PPP2R2C: variants seen among roughly 807,000 people sequenced by gnomAD.
PPP2R2C encodes the protein protein phosphatase 2 regulatory subunit Bgamma.
PPP2R2C carries 10 observed loss-of-function variants against 45.3 expected under a neutral mutation model. The ratio of observed to expected loss-of-function variants is 0.22; its 90% CI spans 0.14 to 0.37. The LOEUF (loss-of-function observed/expected upper bound fraction) is 0.37. PPP2R2C is among the 10% of genes least tolerant of loss of function. The pLI, the probability that PPP2R2C is intolerant of heterozygous loss-of-function variation, is 1.00. For missense variants in PPP2R2C, 308 were observed against 619.7 expected (o/e 0.50, Z 5.34); for synonymous variants, 257 against 245.4 (o/e 1.05, Z -0.44).
At chr4:6,413,824 C>T (rs930165275) in intron 1 of PPP2R2C, 50 of 1,511,114 alleles carry the variant, frequency 3.3e-5, no homozygotes, top group South Asian at 2.0e-4. Context: ...AGGACTGTGC[C>T]GGGGCTCCCA....
At position 6,516,242 on chromosome 4, in the gene PPP2R2C, G is replaced by A. The variant is rs1000167815; in HGVS notation, c.49+19029C>T. Among the ~76,000 whole-genome samples, 5 of 152,200 alleles carry A rather than the reference G, an allele frequency of 3.3e-5. No homozygotes were observed. In the East Asian group the frequency reaches 7.7e-4, roughly 23 times the overall value. ...CACAGTGTGGTCCTGACTGCCCATC[G>A]TCCTCCACACATCCCCAGAACCCTG... On this transcript the variant is annotated intron_variant, in intron 2 of 9. Coordinates refer to the PPP2R2C transcript ENST00000506140.
intron 1 of PPP2R2C, among the ~76,000 whole-genome samples, chr4:6,441,441 C>G (rs1720149108): frequency 6.6e-6 from 1 of 152,164 alleles, no homozygotes; most frequent in African/African-American, 2.4e-5. Context: ...TCACCTGCAG[C>G]CTCCCTGGTT....
At chr4:6,385,426 C>T (rs569435449) in intron 1 of PPP2R2C, among the ~76,000 whole-genome samples, 3 of 152,264 alleles carry the variant, frequency 2.0e-5, no homozygotes, top group African/African-American at 7.2e-5. Flanking sequence ...TGGCAGCCAC[C>T]TCTGTGAAGA....
chr4:6,505,992 T>TA (rs1351359612), intron 2 of PPP2R2C, among the ~76,000 whole-genome samples: 1 of 151,764 alleles, frequency 6.6e-6, no homozygotes, highest in Non-Finnish European at 1.5e-5. Flanking sequence ...ATTAAAAAAA[T>TA]AAAAAATAAA....
intron 1 of PPP2R2C, among the ~76,000 whole-genome samples, chr4:6,463,458 G>T (rs1721432992): frequency 6.6e-6 from 1 of 152,244 alleles, no homozygotes; most frequent in Non-Finnish European, 1.5e-5. Context: ...CCACACCCCA[G>T]CTGGGAACCT....
chr4:6,393,599 G>A (rs1229654779), intron 1 of PPP2R2C, among the ~76,000 whole-genome samples: 1 of 152,210 alleles, frequency 6.6e-6, no homozygotes. Flanking sequence ...ACCCAGCTCT[G>A]CTACTGCAGG....
chr4:6,489,486 C>T (rs1460847857), intron 2 of PPP2R2C, among the ~76,000 whole-genome samples: 1 of 152,150 alleles, frequency 6.6e-6, no homozygotes, highest in Non-Finnish European at 1.5e-5. Context: ...CCACAAAACT[C>T]CTTTTATTAT....
intron 1 of PPP2R2C, among the ~76,000 whole-genome samples, chr4:6,432,953 A>G (rs993083627): frequency 2.0e-5 from 3 of 152,218 alleles, no homozygotes; most frequent in Non-Finnish European, 4.4e-5. Flanking sequence ...TAAAGATTAT[A>G]GTGATCCCCT....
chr4:6,380,913 C>T lies in PPP2R2C; in HGVS notation c.168+84G>A, dbSNP rs576230326. On this transcript the variant is annotated intron_variant, in intron 2 of 8. Coordinates refer to ENST00000382599, the MANE Select transcript of PPP2R2C (RefSeq NM_020416.4). The stretch of plus-strand genomic sequence containing the variant: ...CCGCATCACCCCTTATCCCCCTTAT[C>T]CTTATCCCCTCCCACCATGCCCGCC... The T allele has an allele frequency of 1.1e-5, 16 of 1,446,664 alleles. No homozygotes were observed. In the East Asian group the frequency reaches 4.0e-4, roughly 36 times the overall value. The allele number at this position is 1,446,664 out of a possible 1,614,324, so 89.6% of individuals were successfully genotyped here.
chr4:6,380,710 C>A (rs1023142463), intron 2 of PPP2R2C, among the ~76,000 whole-genome samples: 1 of 152,072 alleles, frequency 6.6e-6, no homozygotes, highest in African/African-American at 2.4e-5. Context: ...CTTTGCCAGC[C>A]CACCCAGTGC....
chr4:6,497,422 C>T (rs1055453586), intron 2 of PPP2R2C, among the ~76,000 whole-genome samples: 2 of 151,830 alleles, frequency 1.3e-5, no homozygotes, highest in African/African-American at 4.8e-5. Context: ...CCAGTGGGAA[C>T]AGGTAAACCA....
intron 2 of PPP2R2C, among the ~76,000 whole-genome samples, chr4:6,534,836 G>A (rs780194001): frequency 1.6e-4 from 24 of 152,312 alleles, no homozygotes; most frequent in African/African-American, 5.5e-4. Context: ...TGTCTGGGTC[G>A]GCCGCTCAGT....
At position 6,511,550 on chromosome 4, in the gene PPP2R2C, T is replaced by C. The variant is rs62286140; in HGVS notation, c.49+23721A>G. Among the ~76,000 whole-genome samples, 148 of 24,584 alleles carry C rather than the reference T, an allele frequency of 6.0e-3. 4 individuals are homozygous for C. Among genetic ancestry groups the C allele is most frequent in the Non-Finnish European group, 6.7e-3 (69 of 10,344 alleles). The allele number at this position is 24,584 out of a possible 152,430, so 16.1% of individuals were successfully genotyped here. ...ATGGTGGTGGTGGTGGTGGTGATGG[T>C]GGTGGTGGTGGTGGTGGTGGTGATG... On this transcript the variant is annotated intron_variant, in intron 2 of 9. Coordinates refer to the PPP2R2C transcript ENST00000506140.
chr4:6,553,789 G>A (rs753697931), intron 1 of PPP2R2C, among the ~76,000 whole-genome samples: 14 of 152,056 alleles, frequency 9.2e-5, no homozygotes, highest in Admixed American at 3.9e-4. Flanking sequence ...AAGCATCCCC[G>A]TGGATCCTCT....
At chr4:6,523,217 T>A (rs1724082601) in intron 2 of PPP2R2C, among the ~76,000 whole-genome samples, 1 of 151,990 alleles carries the variant, frequency 6.6e-6, no homozygotes, top group Non-Finnish European at 1.5e-5. Flanking sequence ...CCAGAGGAAA[T>A]AAAGGCCTTC....
In PPP2R2C at chr4:6,331,906, G is replaced by C. The variant is rs1467251934; in HGVS notation, c.960+1656C>G. Among the ~76,000 whole-genome samples, 1 of 152,184 alleles carries C rather than the reference G, an allele frequency of 6.6e-6. No individual in the cohort carries two copies. Among genetic ancestry groups the C allele is most frequent in the African/African-American group, 2.4e-5 (1 of 41,450 alleles). On this transcript the variant is annotated intron_variant, in intron 7 of 8. Transcript: ENST00000382599. The surrounding 1 kb of genome is among the most constrained non-coding windows in gnomAD (Gnocchi z 5.9). Reference sequence around the variant, plus strand: ...GCAGTCCTGCTACACACAATTTCTAGCACATCACAAGCCACCAAAAAATGT... The same window carrying C: ...GCAGTCCTGCTACACACAATTTCTACCACATCACAAGCCACCAAAAAATGT...
chr4:6,376,079 C>A (rs1000226784), intron 3 of PPP2R2C, 148 bp from the exon 4 acceptor site: 1 of 666,802 alleles, frequency 1.5e-6, no homozygotes, highest in Non-Finnish European at 2.6e-6. Context: ...AACTGCAGCT[C>A]TGTCTCGAGG....
At chr4:6,354,737 A>C (rs186674821) in intron 5 of PPP2R2C, among the ~76,000 whole-genome samples, 51 of 150,432 alleles carry the variant, frequency 3.4e-4, no homozygotes, top group Non-Finnish European at 5.5e-4. Flanking sequence ...ACAGGCTCAG[A>C]GGGTTCCACA....
intron 5 of PPP2R2C, chr4:6,350,975 T>C (rs1712497913): frequency 1.0e-6 from 1 of 985,314 alleles, no homozygotes; most frequent in Non-Finnish European, 1.2e-6. Flanking sequence ...CAAACGCTCT[T>C]TCCTTTCCCA....
Sources: allele counts gnomAD v4.1 joint callset (sites outside exome capture counted in the v4.1 genomes callset), GRCh38; gene constraint gnomAD v4.1.1; non-coding constraint Gnocchi (gnomAD v3.1); transcripts MANE v1.5; gene names NCBI Gene and HGNC (gene_info 2026-07-23, HGNC 2026-07-21).